The following SDK1 variants were observed in gnomAD, a reference collection of about 807,000 sequenced individuals.
The protein encoded by SDK1 is sidekick cell adhesion molecule 1.
In SDK1, 157 loss-of-function variants were observed where a neutral mutation model predicts 245.5. The ratio of observed to expected loss-of-function variants is 0.64; its 90% confidence interval spans 0.56 to 0.73. The LOEUF (loss-of-function observed/expected upper bound fraction) is 0.73, where lower values mean the gene tolerates loss of function less well. Among genes scored for constraint, SDK1 ranks in the 30% least tolerant of loss-of-function variants. SDK1 has a pLI of 0.00. For missense variants in SDK1, 3,583 were observed against 3,002.3 expected (o/e 1.19, Z -4.52); for synonymous variants, 1,647 against 1,278.5 (o/e 1.29, Z -6.15).
intron 32 of SDK1, among the ~76,000 whole-genome samples, chr7:4,164,406 C>T (rs570050802): frequency 2.0e-5 from 3 of 152,120 alleles, no homozygotes; most frequent in African/African-American, 7.2e-5. Context: ...CCGCTAGACC[C>T]CCAGACCCGA....
At chr7:3,620,832 C>G (rs4719998) in intron 2 of SDK1, among the ~76,000 whole-genome samples, 39,059 of 151,850 alleles carry the variant, frequency 0.26, 5,728 homozygotes, top group Non-Finnish European at 0.33. Flanking sequence ...ATTCCCATTA[C>G]CCACCCACAC....
chr7:3,869,001 C>T (rs1054610811), intron 5 of SDK1, among the ~76,000 whole-genome samples: 71 of 152,162 alleles, frequency 4.7e-4, no homozygotes, highest in Non-Finnish European at 1.2e-4. Flanking sequence ...AGTCAGCCGA[C>T]ATTTCTCATT....
chr7:3,879,725 C>T (rs932912035), intron 5 of SDK1, among the ~76,000 whole-genome samples: 2 of 152,198 alleles, frequency 1.3e-5, no homozygotes, highest in African/African-American at 4.8e-5. Flanking sequence ...TCTTCCCCTA[C>T]ACAAACACTG....
intron 41 of SDK1, among the ~76,000 whole-genome samples, chr7:4,236,985 C>A (rs1231430709): frequency 1.3e-5 from 2 of 152,124 alleles, no homozygotes; most frequent in Admixed American, 1.3e-4. Flanking sequence ...TGGCTCACTA[C>A]AGCCTCGACC....
At chr7:4,211,470 T>C (rs1464561104) in intron 38 of SDK1, among the ~76,000 whole-genome samples, 1 of 151,754 alleles carries the variant, frequency 6.6e-6, no homozygotes, top group Non-Finnish European at 1.5e-5. Context: ...GGGTGTGTAT[T>C]GAAGGTGGAG....
Position 4,266,970 on chromosome 7 carries a change from T to G in SDK1, c.*1586T>G. 1 of 985,524 alleles carries G rather than the reference T, an allele frequency of 1.0e-6. No homozygotes were observed. Among genetic ancestry groups the G allele is most frequent in the Non-Finnish European group, 1.2e-6 (1 of 829,992 alleles). The allele number at this position is 985,524 out of a possible 1,614,324, so 61.0% of individuals were successfully genotyped here. A position where few individuals can be genotyped will look rare whatever the true frequency, so the allele number is the denominator to read the frequency against. On this transcript the variant is annotated 3_prime_UTR_variant, in exon 45 of 45. Transcript: ENST00000404826. ...CAGTGCCACCCAGGAGCCAGTCTCCTGGCCACATGCAGAAAGTGTGGCCCC... is the reference window on the plus strand; with the variant it reads ...CAGTGCCACCCAGGAGCCAGTCTCCGGGCCACATGCAGAAAGTGTGGCCCC...
intron 30 of SDK1, 28 bp from the exon 31 acceptor site, chr7:4,158,420 G>A (rs540829029): frequency 3.4e-5 from 54 of 1,575,396 alleles, no homozygotes; most frequent in Non-Finnish European, 4.4e-5. Flanking sequence ...GCAGGGCCCC[G>A]GCAGTCACGG....
chr7:3,710,993 T>C (rs1013471265), intron 4 of SDK1, among the ~76,000 whole-genome samples: 1 of 152,272 alleles, frequency 6.6e-6, no homozygotes, highest in Non-Finnish European at 1.5e-5. Context: ...TTTCAAACTT[T>C]ACAATTAAAT....
At chr7:3,682,884 G>A (rs896444647) in intron 4 of SDK1, among the ~76,000 whole-genome samples, 1 of 151,978 alleles carries the variant, frequency 6.6e-6, no homozygotes, top group Admixed American at 6.6e-5. Flanking sequence ...GACTACAGGG[G>A]CCTGCCACCA....
At chr7:3,612,319 A>C (rs1000989221) in intron 1 of SDK1, among the ~76,000 whole-genome samples, 1 of 152,248 alleles carries the variant, frequency 6.6e-6, no homozygotes, top group East Asian at 1.9e-4. Context: ...ATATTTAACT[A>C]GAGTGGCACA....
intron 5 of SDK1, among the ~76,000 whole-genome samples, chr7:3,824,325 G>A (rs565164038): frequency 1.3e-5 from 2 of 152,136 alleles, no homozygotes; most frequent in Admixed American, 6.5e-5. Context: ...TCTGGCCAGC[G>A]TTTCTGAAAA....
intron 1 of SDK1, among the ~76,000 whole-genome samples, chr7:3,595,457 T>G (rs552784132): frequency 6.6e-6 from 1 of 152,224 alleles, no homozygotes; most frequent in African/African-American, 2.4e-5. Flanking sequence ...GGCATATTTG[T>G]ATGTATATTT....
chr7:3,442,069 C>T (rs1367202149), intron 1 of SDK1, among the ~76,000 whole-genome samples: 1 of 152,124 alleles, frequency 6.6e-6, no homozygotes, highest in African/African-American at 2.4e-5. Context: ...TGGTACCTGC[C>T]AGATGGTGGG....
chr7:3,551,532 C>T (rs997047216), intron 1 of SDK1, among the ~76,000 whole-genome samples: 16 of 151,360 alleles, frequency 1.1e-4, no homozygotes, highest in Admixed American at 1.3e-4. Flanking sequence ...ATCAGTTAAA[C>T]TGAAAGCTTG....
chr7:4,027,558 A>G (rs1787454260), intron 17 of SDK1, among the ~76,000 whole-genome samples: 1 of 152,162 alleles, frequency 6.6e-6, no homozygotes, highest in African/African-American at 2.4e-5. Context: ...TATTAATTTT[A>G]TTTGACATGT....
intron 1 of SDK1, among the ~76,000 whole-genome samples, chr7:3,333,723 G>A (rs1009070956): frequency 6.6e-6 from 1 of 152,186 alleles, no homozygotes; most frequent in Non-Finnish European, 1.5e-5. Context: ...GATGGTATTG[G>A]TCAGGGTTCG....
At chr7:3,931,540 C>G (rs1247260825) in intron 5 of SDK1, among the ~76,000 whole-genome samples, 1 of 152,172 alleles carries the variant, frequency 6.6e-6, no homozygotes, top group Non-Finnish European at 1.5e-5. Context: ...AACCAAGTCC[C>G]TCCTTTGTTC....
At chr7:3,864,554 G>T (rs1562499131) in intron 5 of SDK1, among the ~76,000 whole-genome samples, 1 of 152,168 alleles carries the variant, frequency 6.6e-6, no homozygotes, top group East Asian at 1.9e-4. Context: ...CAAGAAAGTA[G>T]GTTTCCAGAC....
intron 22 of SDK1, among the ~76,000 whole-genome samples, chr7:4,080,746 C>T (rs902209008): frequency 1.3e-5 from 2 of 152,060 alleles, no homozygotes; most frequent in Admixed American, 1.3e-4. Flanking sequence ...TTGGGAGATA[C>T]ACCTAATGCT....
Sources: allele counts gnomAD v4.1 joint callset (sites outside exome capture counted in the v4.1 genomes callset), GRCh38; gene constraint gnomAD v4.1.1; transcripts MANE v1.5; gene names NCBI Gene and HGNC (gene_info 2026-07-23, HGNC 2026-07-21).